Variants in SKP1 observed in about 807,000 individuals in gnomAD.
The protein encoded by SKP1 is S-phase kinase associated protein 1.
Under a neutral mutation model 21.5 loss-of-function variants are expected in SKP1, and 1 was observed. The observed-to-expected ratio is 0.05, with a 90% CI of 0.02 to 0.22. SKP1 has a LOEUF of 0.22. SKP1 is among the 10% of genes least tolerant of loss of function. The pLI is 1.00. For synonymous variants in SKP1, 59 were observed against 59.3 expected, an observed-to-expected ratio of 0.99 and a Z score of 0.03; for missense variants, 70 against 192.0, an observed-to-expected ratio of 0.36 and a Z score of 3.76.
At position 134,160,082 on chromosome 5, in the gene SKP1, G is replaced by A. The variant is rs780743003; in HGVS notation, c.315+905C>T. 4.6e-5 allele frequency among the ~76,000 whole-genome samples: 7 copies of A among 151,902 alleles called. No homozygotes were observed. In the South Asian group the frequency reaches 6.2e-4, roughly 14 times the overall value. ...TTACATATAATGTTTTAGGCCAGGC[G>A]CGGTGGCTCACACCTGTAATCCCAA... On this transcript the variant is annotated intron_variant, in intron 4 of 5. Transcript: ENST00000353411.
chr5:134,173,152 G>A (rs6895428), intron 2 of SKP1, among the ~76,000 whole-genome samples: 7,225 of 151,896 alleles, frequency 0.048, 490 homozygotes, highest in African/African-American at 0.15. Flanking sequence ...GACCAACATG[G>A]AGAAACCCCG....
rs1211969720 is a variant in SKP1 at position 134,175,481 on chromosome 5, A to T, written c.-1+1374T>A. On this transcript the variant is annotated intron_variant, in intron 1 of 5. Transcript: ENST00000353411. ...AAAGAAAATATTTTAACCTGAGCCC[A>T]ATTTTTAATTATAAAACATTTAAAC... 2 of 152,244 alleles carry T rather than the reference A, an allele frequency of 1.3e-5. 1 individual carries two copies. The highest frequency in any genetic ancestry group is 4.1e-4 in the South Asian group (2 of 4,834). The allele number at this position is 152,244 out of a possible 1,614,324, so 9.4% of individuals were successfully genotyped here.
intron 3 of SKP1, among the ~76,000 whole-genome samples, chr5:134,164,812 G>A (rs1761297004): frequency 6.6e-6 from 1 of 152,170 alleles, no homozygotes; most frequent in Non-Finnish European, 1.5e-5. Context: ...CCACTGAATT[G>A]TCACTTAAAA....
intron 3 of SKP1, 139 bp downstream of exon 3, chr5:134,167,031 G>A: frequency 1.7e-6 from 1 of 599,558 alleles, no homozygotes; most frequent in Non-Finnish European, 3.0e-6. Flanking sequence ...ACTCAAGTAA[G>A]TGTTTAAGAA....
In SKP1 at chr5:134,151,616, A is replaced by C; in HGVS notation, c.*6117T>G. On this transcript the variant is annotated 3_prime_UTR_variant, in exon 6 of 6. Transcript: ENST00000353411. ...ATAGCAGGTTGAAAATTTGAAGTTA[A>C]GAGATATCAGAAGGTCTGAATATAC... 2.2e-6 allele frequency: 1 copy of C among 454,012 alleles called. No homozygotes were observed. The highest frequency in any genetic ancestry group is 4.4e-6 in the Non-Finnish European group (1 of 225,686). 28.1% of individuals were successfully genotyped at this position (454,012 alleles called of 1,614,324 possible). A position where few individuals can be genotyped will look rare whatever the true frequency, so the allele number is the denominator to read the frequency against.
At chr5:134,159,276 G>T (rs1339100258) in intron 4 of SKP1, among the ~76,000 whole-genome samples, 3 of 152,130 alleles carry the variant, frequency 2.0e-5, no homozygotes, top group African/African-American at 2.4e-5. Context: ...TTGCAAATGT[G>T]TTAGTTTAAA....
At chr5:134,167,110 T>G (rs1485868451) in intron 3 of SKP1, 60 bp downstream of exon 3, 2 of 801,880 alleles carry the variant, frequency 2.5e-6, no homozygotes, top group African/African-American at 1.7e-5. Context: ...GAATTACTTG[T>G]ATTAATCAAT....
chr5:134,174,034 G>T lies in SKP1; in HGVS notation c.1-12C>A, dbSNP rs750249029. On this transcript the variant is annotated splice_polypyrimidine_tract_variant and intron_variant, in intron 1 of 5. Coordinates refer to ENST00000353411, the MANE Select transcript of SKP1 (RefSeq NM_170679.3). ...TTAATTGAAGGCATCTAAAAAAAAA[G>T]GACATTAAATATAAAATTTAAGAGA... is the stretch of plus-strand genomic sequence containing the variant. 2.0e-5 allele frequency: 29 copies of T among 1,470,354 alleles called. No individual in the cohort carries two copies. In the African/African-American group the frequency reaches 4.1e-4, roughly 21 times the overall value. 91.1% of individuals were successfully genotyped at this position (1,470,354 alleles called of 1,614,324 possible).
At position 134,153,115 on chromosome 5, in the gene SKP1, A is replaced by G. The variant is rs559202608; in HGVS notation, c.*4618T>C. 1 of 152,336 alleles carries G rather than the reference A, an allele frequency of 6.6e-6. No homozygotes were observed. The highest frequency in any genetic ancestry group is 6.5e-5 in the Admixed American group (1 of 15,304). The allele number at this position is 152,336 out of a possible 1,614,324, so 9.4% of individuals were successfully genotyped here. ...GATTAACTTTTCAAATCCTCAAACAACTTTGTAGGGAGAACATTTACTTGG... is the reference window on the plus strand; with the variant it reads ...GATTAACTTTTCAAATCCTCAAACAGCTTTGTAGGGAGAACATTTACTTGG... On this transcript the variant is annotated 3_prime_UTR_variant, in exon 6 of 6. Transcript: ENST00000353411.
At chr5:134,158,392 T>A (rs1290701747) in intron 5 of SKP1, 63 bp downstream of exon 5, 1 of 1,612,612 alleles carries the variant, frequency 6.2e-7, no homozygotes, top group African/African-American at 1.3e-5. Context: ...TTTGCTGGCA[T>A]GTTATAGGTG....
intron 4 of SKP1, among the ~76,000 whole-genome samples, chr5:134,159,313 T>C (rs1316352450): frequency 1.3e-5 from 2 of 152,176 alleles, no homozygotes; most frequent in East Asian, 1.9e-4. Context: ...TCCAGATACC[T>C]TTCTGTTTGT....
intron 4 of SKP1, among the ~76,000 whole-genome samples, chr5:134,160,084 G>A (rs181415881): frequency 6.3e-4 from 95 of 151,978 alleles, no homozygotes; most frequent in African/African-American, 2.3e-3. Context: ...GGCCAGGCGC[G>A]GTGGCTCACA....
rs1427513291 is a variant in SKP1 at position 134,167,815 on chromosome 5, C to T, written c.98-572G>A. 7.9e-5 allele frequency among the ~76,000 whole-genome samples: 12 copies of T among 152,246 alleles called. 1 individual carries two copies. The highest frequency in any genetic ancestry group is 6.2e-4 in the South Asian group (3 of 4,828). ...CTGGGATTACAGGCGTGAGCCACCG[C>T]GTCCAGCCATCTAGAGAGGATTTTA... On this transcript the variant is annotated intron_variant, in intron 2 of 5. Coordinates refer to ENST00000353411, the MANE Select transcript of SKP1 (RefSeq NM_170679.3).
rs2110585 is a variant in SKP1, at chr5:134,176,930, C to A, written c.-76G>T. The A allele has an allele frequency of 0.12, 18,669 of 152,638 alleles. 1,427 individuals are homozygous for A. The highest frequency in any genetic ancestry group is 0.2 in the African/African-American group (8,469 of 41,536). 9.5% of individuals were successfully genotyped at this position (152,638 alleles called of 1,614,324 possible). On this transcript the variant is annotated 5_prime_UTR_variant, in exon 1 of 6. Coordinates refer to ENST00000353411, the MANE Select transcript of SKP1 (RefSeq NM_170679.3). ...GGCGTTAGCGAAGGAAGAGAAAAAC[C>A]GAAGACGAAGCCACTACAGCGTCGC...
At position 134,157,788 on chromosome 5, in the gene SKP1, G is replaced by A. The variant is rs1761145683; in HGVS notation, c.457-20C>T. 1.2e-6 allele frequency: 2 copies of A among 1,613,058 alleles called. No homozygotes were observed. The highest frequency in any genetic ancestry group is 2.2e-5 in the South Asian group (2 of 91,068). ...GCGTACCTAAAAGAGATGGATATAG[G>A]GAAGTACCTTAACTTGAGTAGTCTT... is the stretch of plus-strand genomic sequence containing the variant. On this transcript the variant is annotated intron_variant, in intron 5 of 5. Transcript: ENST00000353411.
chr5:134,167,259 G>C lies in SKP1; in HGVS notation c.98-16C>G, dbSNP rs1025439055. 1.3e-6 allele frequency: 2 copies of C among 1,536,078 alleles called. No individual in the cohort carries two copies. Among genetic ancestry groups the C allele is most frequent in the African/African-American group, 2.7e-5 (2 of 72,920 alleles). On this transcript the variant is annotated splice_polypyrimidine_tract_variant and intron_variant, in intron 2 of 5. Coordinates refer to ENST00000353411, the MANE Select transcript of SKP1 (RefSeq NM_170679.3). ...ATTCCCAAATCTAAGAAAACCAGAA[G>C]AAAGTTTCTATTTCCTAATTCCATT...
At chr5:134,159,547 A>ATTTTT (rs1166778296) in intron 4 of SKP1, among the ~76,000 whole-genome samples, 1 of 134,444 alleles carries the variant, frequency 7.4e-6, no homozygotes, top group Non-Finnish European at 1.6e-5. Context: ...CACCCAGCTA[A>ATTTTT]TTTTTTTTTT....
chr5:134,159,497 C>T (rs1761180227), intron 4 of SKP1, among the ~76,000 whole-genome samples: 2 of 151,964 alleles, frequency 1.3e-5, no homozygotes, highest in Admixed American at 1.3e-4. Flanking sequence ...TCTCTTGCTT[C>T]AGTCTCCCAA....
Position 134,148,948 on chromosome 5 carries a change from G to A in SKP1, c.*8785C>T, listed in dbSNP as rs1256661366. 2 of 152,284 alleles carry A rather than the reference G, an allele frequency of 1.3e-5. No homozygotes were observed. Among genetic ancestry groups the A allele is most frequent in the Non-Finnish European group, 2.9e-5 (2 of 68,030 alleles). 9.4% of individuals were successfully genotyped at this position (152,284 alleles called of 1,614,324 possible). Reference sequence around the variant, plus strand: ...TAAAAAGTTACATACGCTGTTGGTGGACACGACAGCCACCATATCCACTTT... The same window carrying A: ...TAAAAAGTTACATACGCTGTTGGTGAACACGACAGCCACCATATCCACTTT... On this transcript the variant is annotated 3_prime_UTR_variant, in exon 6 of 6. Transcript: ENST00000353411.
Sources: allele counts gnomAD v4.1 joint callset (sites outside exome capture counted in the v4.1 genomes callset), GRCh38; gene constraint gnomAD v4.1.1; transcripts MANE v1.5; gene names NCBI Gene and HGNC (gene_info 2026-07-23, HGNC 2026-07-21).